Variants in BCAR3 observed in about 807,000 individuals in gnomAD.
BCAR3 encodes the protein BCAR3 adaptor protein, NSP family member, also known as breast cancer anti-estrogen resistance protein 3.
In BCAR3, 37 loss-of-function variants were observed where a neutral mutation model predicts 80.1. The observed-to-expected ratio is 0.46, with a 90% CI of 0.36 to 0.61. BCAR3 has a LOEUF of 0.61. BCAR3 is among the 20% of genes least tolerant of loss of function. The pLI is 0.00. For synonymous variants in BCAR3, 389 were observed against 418.9 expected (o/e 0.93, Z 0.87); for missense variants, 978 against 1,068.2 (o/e 0.92, Z 1.18).
upstream of BCAR3, among the ~76,000 whole-genome samples, chr1:93,683,013 A>G (rs1311784618): frequency 6.6e-6 from 1 of 152,238 alleles, no homozygotes; most frequent in East Asian, 1.9e-4. Context: ...ATTAAAATTA[A>G]GAGCTTCTGT....
intron 5 of BCAR3, among the ~76,000 whole-genome samples, chr1:93,585,867 T>C (rs1331421733): frequency 6.6e-6 from 1 of 152,008 alleles, no homozygotes; most frequent in Admixed American, 6.6e-5. Context: ...GCCTCTCGAG[T>C]AGCTGGGACC....
intron 3 of BCAR3, among the ~76,000 whole-genome samples, chr1:93,634,784 C>T (rs1675727852): frequency 6.6e-6 from 1 of 152,024 alleles, no homozygotes; most frequent in Non-Finnish European, 1.5e-5. Flanking sequence ...GTGAGATGTG[C>T]CTTTCACCTT....
chr1:93,676,343 T>A (rs1648488574), intron 1 of BCAR3, among the ~76,000 whole-genome samples: 1 of 152,184 alleles, frequency 6.6e-6, no homozygotes, highest in South Asian at 2.1e-4. Context: ...TATGTGTGTG[T>A]ACAACAAAAC....
At chr1:93,790,232 A>G (rs1370027136) in intron 2 of BCAR3, among the ~76,000 whole-genome samples, 1 of 152,208 alleles carries the variant, frequency 6.6e-6, no homozygotes, top group African/African-American at 2.4e-5. Flanking sequence ...GCTAAAGACA[A>G]TGAAGAAAAG....
rs903901928 is a variant in BCAR3, at chr1:93,812,342, C to T, written c.-63+33225G>A. Among the ~76,000 whole-genome samples the T allele has an allele frequency of 5.3e-5, 8 of 152,250 alleles. No homozygotes were observed. The East Asian group carries it at 1.4e-3, about 26-fold the overall frequency. On this transcript the variant is annotated intron_variant, in intron 2 of 13. Transcript: ENST00000370244. ...TAGTTTTCCTACCTCAAGTCTCCCC[C>T]TCTCCTATCTGCCCTTCATACCTCT...
In BCAR3 at chr1:93,580,408, C is replaced by T. The variant is rs145630736; in HGVS notation, c.1686+1893G>A. ...TTATATTGAAAAGATGGACCGAGCCCACCATCGCCTGAGACAACATCTGGT... is the reference window on the plus strand; with the variant it reads ...TTATATTGAAAAGATGGACCGAGCCTACCATCGCCTGAGACAACATCTGGT... On this transcript the variant is annotated intron_variant, in intron 7 of 11. Coordinates refer to ENST00000260502, the MANE Select transcript of BCAR3 (RefSeq NM_003567.4). 2.0e-4 allele frequency among the ~76,000 whole-genome samples: 30 copies of T among 152,090 alleles called. 1 individual carries two copies. Among genetic ancestry groups the T allele is most frequent in the African/African-American group, 5.8e-4 (24 of 41,488 alleles).
intron 2 of BCAR3, among the ~76,000 whole-genome samples, chr1:93,748,955 G>C (rs557358318): frequency 6.6e-6 from 1 of 152,114 alleles, no homozygotes; most frequent in East Asian, 1.9e-4. Context: ...CATTTGACTG[G>C]GTCCTCAAGT....
intron 2 of BCAR3, among the ~76,000 whole-genome samples, chr1:93,736,061 C>A (rs942972997): frequency 2.6e-5 from 4 of 151,828 alleles, no homozygotes; most frequent in Non-Finnish European, 5.9e-5. Context: ...AAACAGACAG[C>A]GTGGTAGGAA....
chr1:93,758,561 A>C (rs903174514), intron 2 of BCAR3, among the ~76,000 whole-genome samples: 1 of 152,232 alleles, frequency 6.6e-6, no homozygotes, highest in Non-Finnish European at 1.5e-5. Context: ...CTAGATTCTC[A>C]AAGGTGATTA....
intron 2 of BCAR3, among the ~76,000 whole-genome samples, chr1:93,642,916 G>C (rs1437021882): frequency 6.6e-6 from 1 of 152,188 alleles, no homozygotes; most frequent in Non-Finnish European, 1.5e-5. Context: ...CTACTGTTCT[G>C]TGTGCCCAGT....
intron 3 of BCAR3, among the ~76,000 whole-genome samples, chr1:93,637,405 T>G (rs543271375): frequency 6.6e-6 from 1 of 152,222 alleles, no homozygotes; most frequent in East Asian, 1.9e-4. Flanking sequence ...TCCACCCACC[T>G]CGGGCTCCCA....
At position 93,777,221 on chromosome 1, in the gene BCAR3, A is replaced by T. The variant is rs184638968; in HGVS notation, c.-63+68346T>A. Among the ~76,000 whole-genome samples, 39 of 152,348 alleles carry T rather than the reference A, an allele frequency of 2.6e-4. 1 individual carries two copies. The highest frequency in any genetic ancestry group is 2.6e-4 in the Admixed American group (4 of 15,312). ...TCAGCCTCCAGAGCTGCGAGACAATAAATTTCTGTTGTTTTAAGCCACCTG... is the reference window on the plus strand; with the variant it reads ...TCAGCCTCCAGAGCTGCGAGACAATTAATTTCTGTTGTTTTAAGCCACCTG... On this transcript the variant is annotated intron_variant, in intron 2 of 13. Coordinates refer to the BCAR3 transcript ENST00000370244.
chr1:93,710,008 G>T (rs900638808), intron 2 of BCAR3, among the ~76,000 whole-genome samples: 1 of 152,204 alleles, frequency 6.6e-6, no homozygotes. Flanking sequence ...TTGTTTTGGG[G>T]AACATTCCAT....
intron 2 of BCAR3, among the ~76,000 whole-genome samples, chr1:93,656,885 T>C (rs1164466675): frequency 6.6e-6 from 1 of 152,176 alleles, no homozygotes; most frequent in Non-Finnish European, 1.5e-5. Context: ...ATATCTAAAG[T>C]CTTTGTGGGT....
intron 2 of BCAR3, among the ~76,000 whole-genome samples, chr1:93,825,644 C>A (rs1654346135): frequency 1.3e-5 from 1 of 79,982 alleles, no homozygotes; most frequent in African/African-American, 3.2e-5. Flanking sequence ...GCCTTCCACC[C>A]TCCTTCCCCA....
intron 2 of BCAR3, among the ~76,000 whole-genome samples, chr1:93,809,893 G>C (rs1409371519): frequency 6.6e-6 from 1 of 151,766 alleles, no homozygotes; most frequent in Non-Finnish European, 1.5e-5. Flanking sequence ...GTGGCATGCA[G>C]TTAGAAGGAT....
In BCAR3 at chr1:93,562,390, TTTCA is replaced by T; in HGVS notation, c.2325_2328del (p.Asn775LysfsTer33). On this transcript the variant is annotated frameshift_variant, in exon 12 of 12. Transcript: ENST00000260502. LOFTEE classifies it high-confidence loss of function. ...CGCATTTGAAATTCAGTCTTGCAGA[TTTCA>T]TTCATTTCTTCATCTGGTTGAAAAC... 3.7e-6 allele frequency: 6 copies of T among 1,613,842 alleles called. No individual in the cohort carries two copies. The highest frequency in any genetic ancestry group is 5.1e-6 in the Non-Finnish European group (6 of 1,179,918).
chr1:93,672,539 A>G (rs1423740136), intron 2 of BCAR3, among the ~76,000 whole-genome samples: 2 of 152,170 alleles, frequency 1.3e-5, no homozygotes, highest in East Asian at 3.8e-4. Flanking sequence ...ATCTGTGCTC[A>G]TCTTTAGCAG....
intron 3 of BCAR3, among the ~76,000 whole-genome samples, chr1:93,616,052 T>C (rs10489541): frequency 0.041 from 6,239 of 152,254 alleles, 419 homozygotes; most frequent in African/African-American, 0.14. Context: ...AACTCAGACA[T>C]GTAAATCACA....
Sources: allele counts gnomAD v4.1 joint callset (sites outside exome capture counted in the v4.1 genomes callset), GRCh38; gene constraint gnomAD v4.1.1; transcripts MANE v1.5; gene names NCBI Gene and HGNC (gene_info 2026-07-23, HGNC 2026-07-21).